Variants in NELL1 observed in about 807,000 individuals in gnomAD.
NELL1 encodes protein kinase C-binding protein NELL1.
Under a neutral mutation model 107.4 loss-of-function variants are expected in NELL1, and 76 were observed. The ratio of observed to expected loss-of-function variants is 0.71; its 90% confidence interval spans 0.59 to 0.86. The LOEUF is 0.86. NELL1 is among the 40% of genes least tolerant of loss of function. NELL1 has a pLI of 0.00. For synonymous variants in NELL1, 353 were observed against 341.2 expected (o/e 1.03, Z -0.38); for missense variants, 1,024 against 1,005.5 (o/e 1.02, Z -0.25).
intron 12 of NELL1, among the ~76,000 whole-genome samples, chr11:21,033,666 G>A (rs1422827190): frequency 2.0e-5 from 3 of 151,966 alleles, no homozygotes; most frequent in African/African-American, 7.3e-5. Context: ...TTGATTCCAT[G>A]TCTTTTGCTA....
chr11:21,493,638 A>G lies in NELL1; in HGVS notation c.1646-40736A>G, dbSNP rs570075918. Among the ~76,000 whole-genome samples the G allele has an allele frequency of 8.6e-5, 13 of 151,626 alleles. No individual in the cohort carries two copies. In the South Asian group the frequency reaches 2.5e-3, roughly 29 times the overall value. On this transcript the variant is annotated intron_variant, in intron 15 of 19. Coordinates refer to ENST00000357134, the MANE Select transcript of NELL1 (RefSeq NM_006157.5). ...GCAGATTAAGAAAGGTTGATTAGTG[A>G]ATACAAACATATAGTTACGTAGAAG...
intron 10 of NELL1, 118 bp downstream of exon 10, chr11:20,937,977 A>C: frequency 1.1e-6 from 1 of 890,756 alleles, no homozygotes; most frequent in Non-Finnish European, 1.8e-6. Flanking sequence ...GAGGGGTGGA[A>C]CTCTCTGCGG....
intron 13 of NELL1, among the ~76,000 whole-genome samples, chr11:21,220,237 G>A (rs879903236): frequency 3.3e-5 from 5 of 152,156 alleles, no homozygotes; most frequent in Non-Finnish European, 5.9e-5. Context: ...TTTTATGCCA[G>A]TATCATGCTG....
chr11:21,442,730 G>A (rs975936853), intron 15 of NELL1, among the ~76,000 whole-genome samples: 3 of 152,098 alleles, frequency 2.0e-5, no homozygotes, highest in African/African-American at 7.2e-5. Context: ...GAATGAAAGA[G>A]CCACTATCTA....
chr11:20,742,649 T>C (rs1855916380), intron 2 of NELL1, among the ~76,000 whole-genome samples: 1 of 152,144 alleles, frequency 6.6e-6, no homozygotes, highest in African/African-American at 2.4e-5. Context: ...CTCCTCTTTG[T>C]AAAACCATCA....
At chr11:20,878,292 G>A (rs1175881412) in intron 4 of NELL1, among the ~76,000 whole-genome samples, 1 of 149,738 alleles carries the variant, frequency 6.7e-6, no homozygotes, top group East Asian at 2.0e-4. Context: ...CCGTGAGGTG[G>A]AGCTTGCAGT....
chr11:21,332,018 C>A (rs1260227751), intron 14 of NELL1, among the ~76,000 whole-genome samples: 1 of 151,758 alleles, frequency 6.6e-6, no homozygotes, highest in Non-Finnish European at 1.5e-5. Flanking sequence ...AGACTTTACC[C>A]TAGGGCTCAG....
chr11:21,525,969 C>A (rs895949907), intron 15 of NELL1, among the ~76,000 whole-genome samples: 3 of 152,134 alleles, frequency 2.0e-5, no homozygotes, highest in Non-Finnish European at 4.4e-5. Flanking sequence ...ATTTCAAAAC[C>A]AATCATGCCT....
At chr11:21,310,319 A>G (rs935373296) in intron 14 of NELL1, among the ~76,000 whole-genome samples, 2 of 152,104 alleles carry the variant, frequency 1.3e-5, no homozygotes, top group Admixed American at 6.6e-5. Flanking sequence ...ACATGCTGAT[A>G]ATTACGGTAT....
chr11:20,944,531 G>A (rs1178197117), intron 10 of NELL1, among the ~76,000 whole-genome samples: 1 of 152,122 alleles, frequency 6.6e-6, no homozygotes, highest in South Asian at 2.1e-4. Context: ...CCAATGACAT[G>A]GAGAAAGCCA....
At chr11:21,346,447 G>T (rs922155820) in intron 14 of NELL1, among the ~76,000 whole-genome samples, 1 of 149,312 alleles carries the variant, frequency 6.7e-6, no homozygotes, top group Admixed American at 6.7e-5. Flanking sequence ...GGAGAGAAAG[G>T]GTAAGAGGGA....
Position 20,885,795 on chromosome 11 carries a change from G to T in NELL1, c.603+255G>T, listed in dbSNP as rs57453042. On this transcript the variant is annotated intron_variant, in intron 5 of 19. Coordinates refer to ENST00000357134, the MANE Select transcript of NELL1 (RefSeq NM_006157.5). ...CAGAGAGTTAAGTGACTTGCCCAAG[G>T]TTATCCAGTTCACTCTGCTGCCAGG... 7.2e-3 allele frequency among the ~76,000 whole-genome samples: 1,092 copies of T among 152,270 alleles called. 16 individuals carry two copies. The highest frequency in any genetic ancestry group is 0.025 in the African/African-American group (1,041 of 41,556).
chr11:21,085,621 T>A (rs1854372498), intron 12 of NELL1, among the ~76,000 whole-genome samples: 1 of 152,010 alleles, frequency 6.6e-6, no homozygotes, highest in African/African-American at 2.4e-5. Flanking sequence ...GGGTGAGACT[T>A]TGTCTATTAA....
intron 2 of NELL1, among the ~76,000 whole-genome samples, chr11:20,759,275 C>A (rs1350288270): frequency 6.6e-6 from 1 of 152,124 alleles, no homozygotes; most frequent in Non-Finnish European, 1.5e-5. Context: ...TTAACTTTTC[C>A]ATAGAGCCTT....
At chr11:20,792,874 C>T (rs1189274118) in intron 3 of NELL1, among the ~76,000 whole-genome samples, 1 of 151,872 alleles carries the variant, frequency 6.6e-6, no homozygotes, top group Non-Finnish European at 1.5e-5. Flanking sequence ...TGTTTTAATA[C>T]ATTAATAAGT....
At chr11:21,453,149 C>T (rs1236508365) in intron 15 of NELL1, among the ~76,000 whole-genome samples, 1 of 151,542 alleles carries the variant, frequency 6.6e-6, no homozygotes. Flanking sequence ...TTGTTCAAGT[C>T]TTCCATATTA....
At chr11:21,154,784 A>G (rs11025950) in intron 13 of NELL1, among the ~76,000 whole-genome samples, 38,873 of 151,906 alleles carry the variant, frequency 0.26, 5,509 homozygotes, top group East Asian at 0.5. Context: ...AATGGAATTT[A>G]TCATGTGGGC....
intron 13 of NELL1, among the ~76,000 whole-genome samples, chr11:21,136,047 C>A (rs2133764832): frequency 6.6e-6 from 1 of 152,172 alleles, no homozygotes; most frequent in South Asian, 2.1e-4. Context: ...AAAACCAAAA[C>A]AGGGTAAAGG....
chr11:21,088,733 A>C (rs935011705), intron 12 of NELL1, among the ~76,000 whole-genome samples: 4 of 152,164 alleles, frequency 2.6e-5, no homozygotes, highest in African/African-American at 9.6e-5. Flanking sequence ...GTGTATCTTC[A>C]AAATGGTTAT....
Sources: allele counts gnomAD v4.1 joint callset (sites outside exome capture counted in the v4.1 genomes callset), GRCh38; gene constraint gnomAD v4.1.1; transcripts MANE v1.5; gene names NCBI Gene and HGNC (gene_info 2026-07-23, HGNC 2026-07-21).